Variants in CFAP57 observed in about 807,000 individuals in gnomAD.
CFAP57 encodes cilia and flagella associated protein 57.
A neutral mutation model predicts 146.8 loss-of-function variants in CFAP57; 116 were observed. That is an observed-to-expected ratio of 0.79 (90% CI 0.68 to 0.92). The LOEUF (loss-of-function observed/expected upper bound fraction) is 0.92, where lower values mean the gene tolerates loss of function less well. Among genes scored for constraint, CFAP57 ranks in the 40% least tolerant of loss-of-function variants. The pLI is 0.00. For synonymous variants in CFAP57, 518 were observed against 552.8 expected (o/e 0.94, Z 0.88); for missense variants, 1,377 against 1,527.2 (o/e 0.90, Z 1.64).
chr1:43,186,387 G>A (rs1400897427), intron 5 of CFAP57, among the ~76,000 whole-genome samples: 15 of 152,042 alleles, frequency 9.9e-5, no homozygotes, highest in African/African-American at 1.4e-4. Flanking sequence ...CGAGGCGGGC[G>A]GATCATGAGG....
rs775632162 is a variant in CFAP57, at chr1:43,181,768, C to A, written c.392C>A (p.Ser131Ter). 1 of 1,614,136 alleles carries A rather than the reference C, an allele frequency of 6.2e-7. No individual in the cohort carries two copies. Among genetic ancestry groups the A allele is most frequent in the Non-Finnish European group, 8.5e-7 (1 of 1,180,018 alleles). The change falls in exon 3 of 23, where the codon TCA becomes TAA. Residue 131 changes from serine to a stop codon, truncating the protein, a stop_gained. Coordinates refer to ENST00000372492, the MANE Select transcript of CFAP57 (RefSeq NM_001378189.1). LOFTEE classifies it high-confidence loss of function. ...TTGGCTCAGACGTCACCTCCAGAGT[C>A]AAATCTTGTCTACTGGCTGTGGGAA... ...YLLAQTSPPE[S>*]NLVYWLWEKQ...
chr1:43,217,964 G>T (rs1644900468), intron 12 of CFAP57, among the ~76,000 whole-genome samples: 1 of 152,056 alleles, frequency 6.6e-6, no homozygotes, highest in Non-Finnish European at 1.5e-5. Context: ...CATGCAGTGA[G>T]TGCCCTGGCC....
At chr1:43,247,312 G>A (rs909590277) in intron 22 of CFAP57, among the ~76,000 whole-genome samples, 3 of 152,098 alleles carry the variant, frequency 2.0e-5, no homozygotes, top group African/African-American at 7.2e-5. Context: ...ATGTTACCCA[G>A]AGCCCAAAAA....
chr1:43,172,886 C>T lies in CFAP57; in HGVS notation c.133C>T (p.Gln45Ter). 1 of 1,614,060 alleles carries T rather than the reference C, an allele frequency of 6.2e-7. No individual in the cohort carries two copies. The highest frequency in any genetic ancestry group is 1.1e-5 in the South Asian group (1 of 91,066). The change falls in exon 2 of 23, where the codon CAG (glutamine) becomes TAG (stop). Residue 45 changes from glutamine (Q) to a stop codon, truncating the protein, a stop_gained. Transcript: ENST00000372492. LOFTEE classifies it high-confidence loss of function. ...TCACTGTGTGAAGTACAATGTGGAT[C>T]AGAAATGGCAAAAATTCATTCCAGG... is the stretch of plus-strand genomic sequence containing the variant. ...GNHCVKYNVD[Q>*]KWQKFIPGSE... is the part of the protein sequence containing the mutation.
chr1:43,223,514 G>T (rs1216439325), intron 16 of CFAP57, among the ~76,000 whole-genome samples: 1 of 152,128 alleles, frequency 6.6e-6, no homozygotes, highest in Admixed American at 6.5e-5. Flanking sequence ...CACCATCAGG[G>T]GTGAGGGAGG....
intron 9 of CFAP57, among the ~76,000 whole-genome samples, chr1:43,199,820 CA>C (rs1261082361): frequency 6.6e-6 from 1 of 151,948 alleles, no homozygotes; most frequent in East Asian, 1.9e-4. Flanking sequence ...ATAATCACTG[CA>C]GATAGGGATC....
At chr1:43,232,352 A>G (rs1645506364) in intron 18 of CFAP57, among the ~76,000 whole-genome samples, 156 bp from the exon 19 acceptor site, 1 of 152,220 alleles carries the variant, frequency 6.6e-6, no homozygotes, top group African/African-American at 2.4e-5. Context: ...GAAAGCAAGT[A>G]GAAGAAAGGT....
At position 43,178,836 on chromosome 1, in the gene CFAP57, G is replaced by A. The variant is rs144631840; in HGVS notation, c.158-2698G>A. Among the ~76,000 whole-genome samples the A allele has an allele frequency of 8.7e-3, 1,323 of 152,184 alleles. 10 individuals are homozygous for A. Among genetic ancestry groups the A allele is most frequent in the Non-Finnish European group, 0.013 (861 of 68,028 alleles). On this transcript the variant is annotated intron_variant, in intron 2 of 22. Transcript: ENST00000372492. ...TGCTGCTATAAAGACACATGCACAC[G>A]TATGTTTATTGTGGCACTGTTCACA...
At chr1:43,199,935 T>C (rs576233548) in intron 9 of CFAP57, among the ~76,000 whole-genome samples, 2 of 152,144 alleles carry the variant, frequency 1.3e-5, no homozygotes, top group African/African-American at 4.8e-5. Context: ...TGGGCTGAGA[T>C]TGGAGAGGTC....
intron 11 of CFAP57, chr1:43,210,771 G>A (rs1411776619): frequency 2.6e-5 from 4 of 152,308 alleles, no homozygotes; most frequent in Non-Finnish European, 4.4e-5. Flanking sequence ...CATTACAAAT[G>A]TATTTAATAA....
intron 6 of CFAP57, among the ~76,000 whole-genome samples, chr1:43,187,091 T>G (rs1231610671): frequency 6.6e-6 from 1 of 152,230 alleles, no homozygotes; most frequent in East Asian, 1.9e-4. Flanking sequence ...ATTGGCATTG[T>G]CCATCAAATT....
Position 43,254,233 on chromosome 1 carries a change from A to C in CFAP57, c.*42A>C. 2.0e-6 allele frequency: 3 copies of C among 1,503,770 alleles called. No homozygotes were observed. The highest frequency in any genetic ancestry group is 2.5e-5 in the South Asian group (2 of 78,542). 93.2% of individuals were successfully genotyped at this position (1,503,770 alleles called of 1,614,324 possible). A position where few individuals can be genotyped will look rare whatever the true frequency, so the allele number is the denominator to read the frequency against. The stretch of plus-strand genomic sequence containing the variant: ...ATCTCCAGCCACAGCCAGAAGAAAC[A>C]CAGCATGTCTGTCCCCAAGCCAGAC... On this transcript the variant is annotated 3_prime_UTR_variant, in exon 23 of 23. Transcript: ENST00000372492.
intron 6 of CFAP57, among the ~76,000 whole-genome samples, chr1:43,188,595 C>T (rs9803810): frequency 0.18 from 27,396 of 151,788 alleles, 3,572 homozygotes; most frequent in African/African-American, 0.35. Context: ...GATTTTTTGC[C>T]CATTTAAAAA....
At chr1:43,228,677 G>A (rs1645350040) in intron 18 of CFAP57, among the ~76,000 whole-genome samples, 1 of 149,144 alleles carries the variant, frequency 6.7e-6, no homozygotes, top group African/African-American at 2.5e-5. Flanking sequence ...GCCTCCGCTG[G>A]GCCTCCTACC....
chr1:43,177,164 A>C (rs1569798957), intron 2 of CFAP57: 1 of 456,284 alleles, frequency 2.2e-6, no homozygotes, highest in East Asian at 6.9e-5. Context: ...AAGGAGGAGA[A>C]AGAAAGGAAG....
chr1:43,209,101 A>G (rs184260616), intron 10 of CFAP57, among the ~76,000 whole-genome samples: 16 of 152,298 alleles, frequency 1.1e-4, no homozygotes, highest in Admixed American at 1.0e-3. Context: ...TATCATAGTT[A>G]TGTACGTATA....
intron 2 of CFAP57, 111 bp downstream of exon 2, chr1:43,173,021 G>A: frequency 1.1e-6 from 1 of 933,768 alleles, no homozygotes; most frequent in East Asian, 2.5e-5. Flanking sequence ...GAATATATAT[G>A]CAGTATTATA....
chr1:43,230,901 A>G (rs1645440200), intron 18 of CFAP57, among the ~76,000 whole-genome samples: 1 of 152,220 alleles, frequency 6.6e-6, no homozygotes, highest in Non-Finnish European at 1.5e-5. Flanking sequence ...CTCTAAGTCT[A>G]CAACAAGCTG....
chr1:43,193,683 A>G (rs1338720447), intron 6 of CFAP57, among the ~76,000 whole-genome samples: 2 of 151,920 alleles, frequency 1.3e-5, no homozygotes, highest in Non-Finnish European at 2.9e-5. Context: ...TACATCTATG[A>G]GTGTTACAAA....
Sources: allele counts gnomAD v4.1 joint callset (sites outside exome capture counted in the v4.1 genomes callset), GRCh38; gene constraint gnomAD v4.1.1; transcripts MANE v1.5; gene names NCBI Gene and HGNC (gene_info 2026-07-23, HGNC 2026-07-21).